HUWE1: variants seen among roughly 807,000 people sequenced by gnomAD.
HUWE1 encodes E3 ubiquitin-protein ligase HUWE1.
Under a neutral mutation model 299.4 loss-of-function variants are expected in HUWE1, and 18 were observed. That is an observed-to-expected ratio of 0.06 (90% CI 0.04 to 0.09). The LOEUF is 0.09. Ranked by LOEUF, HUWE1 falls within the 10% of genes least tolerant of loss-of-function variation. HUWE1 has a pLI of 1.00. For synonymous variants in HUWE1, 1,317 were observed against 1,286.1 expected (o/e 1.02, Z -0.51); for missense variants, 1,832 against 3,462.3 (o/e 0.53, Z 11.82).
chrX:53,580,678 T>A (rs2063573012), intron 43 of HUWE1, among the ~76,000 whole-genome samples, 153 bp downstream of exon 43: 1 of 112,295 alleles, frequency 8.9e-6, no homozygotes, highest in Non-Finnish European at 1.9e-5. Context: ...CTGAAGTACC[T>A]AATAAATTGA....
chrX:53,535,608 G>A (rs1468492297), intron 80 of HUWE1, 107 bp from the exon 81 acceptor site: 1 of 564,459 alleles, frequency 1.8e-6, no homozygotes, highest in South Asian at 2.3e-5. Flanking sequence ...GCAGAGAGAT[G>A]AGGCAAGTCC....
intron 9 of HUWE1, chrX:53,631,961 T>C (rs1327927189): frequency 3.1e-6 from 1 of 320,554 alleles, no homozygotes; most frequent in Non-Finnish European, 5.6e-6. Flanking sequence ...TCTCTCTGAA[T>C]ATGTATTAGA....
Position 53,584,334 on chromosome X carries a change from T to C in HUWE1, c.5013A>G (p.Glu1671=), listed in dbSNP as rs2148315356. The change falls in exon 41 of 84, where the codon GAA becomes GAG. Residue 1671 remains glutamate, a synonymous_variant. Coordinates refer to ENST00000262854, the MANE Select transcript of HUWE1 (RefSeq NM_031407.7). ...QFTTMVQVNE[E]TGNRRPVMLT... is the part of the protein sequence containing the mutation. Reference sequence around the variant, plus strand: ...GCATCACAGGGCGTCGGTTCCCTGTTTCCTCATTAACCTAGGAATTCAAAC... The same window carrying C: ...GCATCACAGGGCGTCGGTTCCCTGTCTCCTCATTAACCTAGGAATTCAAAC... 1 of 1,205,989 alleles carries C rather than the reference T, an allele frequency of 8.3e-7. No homozygotes were observed. Among genetic ancestry groups the C allele is most frequent in the East Asian group, 3.0e-5 (1 of 33,843 alleles).
At chrX:53,590,089 T>C (rs782798623) in intron 35 of HUWE1, among the ~76,000 whole-genome samples, 10 of 112,243 alleles carry the variant, frequency 8.9e-5, no homozygotes, top group Non-Finnish European at 1.1e-4. Flanking sequence ...CTGTTCTATA[T>C]TCTGTGCCAG....
chrX:53,595,519 G>C (rs1556984216), intron 29 of HUWE1, 116 bp from the exon 30 acceptor site: 1 of 593,159 alleles, frequency 1.7e-6, no homozygotes, highest in Non-Finnish European at 2.7e-6. Flanking sequence ...ACAACCCCTA[G>C]TTAACACTTG....
At chrX:53,582,701 T>C (rs782678951) in intron 42 of HUWE1, among the ~76,000 whole-genome samples, 1 of 111,860 alleles carries the variant, frequency 8.9e-6, no homozygotes, top group Admixed American at 9.4e-5. Flanking sequence ...TTGTATTAAG[T>C]ACTGAGGAGG....
In HUWE1 at chrX:53,646,579, G is replaced by A. The variant is rs186114896; in HGVS notation, c.351+789C>T. Among the ~76,000 whole-genome samples, 128 of 111,921 alleles carry A rather than the reference G, an allele frequency of 1.1e-3. 1 individual carries two copies. Among genetic ancestry groups the A allele is most frequent in the Non-Finnish European group, 2.0e-3 (104 of 53,204 alleles). ...GGCATTTCCAGTTGCCAATTATACC[G>A]AAGGTCATGGACTTCCATGGGCAGC... On this transcript the variant is annotated intron_variant, in intron 6 of 83. Coordinates refer to ENST00000262854, the MANE Select transcript of HUWE1 (RefSeq NM_031407.7).
At chrX:53,549,619 T>G (rs2061681078) in intron 66 of HUWE1, 114 bp from the exon 67 acceptor site, 1 of 636,720 alleles carries the variant, frequency 1.6e-6, no homozygotes, top group Admixed American at 2.6e-5. Context: ...TTGAGAAAGG[T>G]GGGTGTCCAG....
At position 53,581,016 on chromosome X, in the gene HUWE1, G is replaced by A; in HGVS notation, c.5531C>T (p.Ser1844Leu). 8.3e-7 allele frequency: 1 copy of A among 1,202,383 alleles called. No homozygotes were observed. Among genetic ancestry groups the A allele is most frequent in the Non-Finnish European group, 1.1e-6 (1 of 889,224 alleles). ...GCTACCAGCTCCACTTGTAGCTGCT[G>A]AGCGAACAACCTAGTAAAGAGAGAA... ...LRHTMEKVVR[S>L]AATSGAGSTT... The change falls in exon 43 of 84, where the codon TCA becomes TTA. Residue 1844 changes from serine (S) to leucine (L), a missense_variant. Coordinates refer to ENST00000262854, the MANE Select transcript of HUWE1 (RefSeq NM_031407.7).
chrX:53,579,123 G>A (rs1364066955), intron 43 of HUWE1, among the ~76,000 whole-genome samples: 21 of 73,340 alleles, frequency 2.9e-4, no homozygotes, highest in Non-Finnish European at 5.1e-4. Flanking sequence ...GGTGAGGGGC[G>A]CCTCTGCCCG....
intron 3 of HUWE1, among the ~76,000 whole-genome samples, chrX:53,671,791 CAAA>C (rs60356592): frequency 0.013 from 385 of 28,524 alleles, no homozygotes; most frequent in African/African-American, 0.038. Context: ...GACTCCGTCT[CAAA>C]AAAAAAAAAA....
chrX:53,663,037 C>T (rs943485257), intron 3 of HUWE1, among the ~76,000 whole-genome samples: 10 of 112,070 alleles, frequency 8.9e-5, no homozygotes, highest in African/African-American at 3.2e-4. Context: ...TCACGAGAGA[C>T]GAAAGATGGC....
At chrX:53,683,973 G>A in intron 2 of HUWE1, 1 of 293,942 alleles carries the variant, frequency 3.4e-6, no homozygotes, top group Non-Finnish European at 5.9e-6. Flanking sequence ...CGCCGCCTCC[G>A]CGGCTACTGC....
At chrX:53,602,707 TGATAATTCACC>T in intron 27 of HUWE1, 49 bp from the exon 28 acceptor site, 1 of 577,430 alleles carries the variant, frequency 1.7e-6, no homozygotes, top group Non-Finnish European at 2.7e-6. Flanking sequence ...ATATATATAC[TGATAATTCACC>T]TCTTATATTG....
chrX:53,566,139 A>G (rs1015218039), intron 49 of HUWE1, among the ~76,000 whole-genome samples: 210 of 83,583 alleles, frequency 2.5e-3, no homozygotes, highest in African/African-American at 6.7e-3. Context: ...GTGTGTATAT[A>G]TATATATATA....
rs2064670107 is a variant in HUWE1, at chrX:53,599,069, A to T, written c.3163+1049T>A. 2.7e-5 allele frequency among the ~76,000 whole-genome samples: 3 copies of T among 112,374 alleles called. No individual in the cohort carries two copies. The South Asian group carries it at 1.1e-3, about 41-fold the overall frequency. On this transcript the variant is annotated intron_variant, in intron 29 of 83. Coordinates refer to ENST00000262854, the MANE Select transcript of HUWE1 (RefSeq NM_031407.7). ...TTCTCACCACTGCTTTCAGGTGAAC[A>T]GATAGCAAAGTGCTTAAAGGTAGTC...
chrX:53,624,091 A>G (rs373196619), intron 19 of HUWE1, among the ~76,000 whole-genome samples: 1 of 112,437 alleles, frequency 8.9e-6, no homozygotes, highest in Non-Finnish European at 1.9e-5. Flanking sequence ...AATAAGACAG[A>G]TATCTACCCG....
chrX:53,668,301 G>A (rs1451523889), intron 3 of HUWE1, among the ~76,000 whole-genome samples: 1 of 109,881 alleles, frequency 9.1e-6, no homozygotes, highest in African/African-American at 3.3e-5. Context: ...AATTAGCTGG[G>A]CGTGGTGGCA....
intron 49 of HUWE1, among the ~76,000 whole-genome samples, chrX:53,566,145 A>G (rs1260678059): frequency 2.5e-4 from 23 of 93,558 alleles, no homozygotes; most frequent in South Asian, 1.1e-3. Context: ...ATATATATAT[A>G]TATATATATA....
Sources: allele counts gnomAD v4.1 joint callset (sites outside exome capture counted in the v4.1 genomes callset), GRCh38; gene constraint gnomAD v4.1.1; transcripts MANE v1.5; gene names NCBI Gene and HGNC (gene_info 2026-07-23, HGNC 2026-07-21).